The following SPOCK3 variants were observed in gnomAD, a reference collection of about 807,000 sequenced individuals.
SPOCK3 encodes the protein SPARC (osteonectin), cwcv and kazal like domains proteoglycan 3.
A neutral mutation model predicts 56.6 loss-of-function variants in SPOCK3; 30 were observed. The ratio of observed to expected loss-of-function variants is 0.53; its 90% CI spans 0.40 to 0.72. The LOEUF (loss-of-function observed/expected upper bound fraction) is 0.72, where lower values mean the gene tolerates loss of function less well. Ranked by LOEUF, SPOCK3 falls within the 30% of genes least tolerant of loss-of-function variation. The pLI is 0.00. For missense variants in SPOCK3, 527 were observed against 530.0 expected (o/e 0.99, Z 0.06); for synonymous variants, 196 against 183.3 (o/e 1.07, Z -0.56).
chr4:166,866,649 A>T (rs113487163), intron 6 of SPOCK3, among the ~76,000 whole-genome samples: 1 of 151,480 alleles, frequency 6.6e-6, no homozygotes, highest in Non-Finnish European at 1.5e-5. Flanking sequence ...CTCAAAAGAG[A>T]AGTAAGATGG....
At chr4:166,815,739 C>T (rs1744318069) in intron 6 of SPOCK3, among the ~76,000 whole-genome samples, 1 of 152,036 alleles carries the variant, frequency 6.6e-6, no homozygotes, top group Admixed American at 6.6e-5. Context: ...GGTGCCACTG[C>T]ACTCCAACCT....
At chr4:166,855,915 A>G (rs1730599079) in intron 6 of SPOCK3, among the ~76,000 whole-genome samples, 2 of 152,206 alleles carry the variant, frequency 1.3e-5, no homozygotes, top group Non-Finnish European at 2.9e-5. Context: ...AGGGCAAGGA[A>G]GACAAATCAT....
At chr4:166,945,180 T>A (rs1392382502) in intron 4 of SPOCK3, among the ~76,000 whole-genome samples, 1 of 152,150 alleles carries the variant, frequency 6.6e-6, no homozygotes, top group Non-Finnish European at 1.5e-5. Flanking sequence ...TGGAGGATGA[T>A]ATTTAGAAAC....
At chr4:167,016,374 G>A (rs1296746781) in intron 3 of SPOCK3, among the ~76,000 whole-genome samples, 2 of 151,988 alleles carry the variant, frequency 1.3e-5, no homozygotes, top group African/African-American at 2.4e-5. Context: ...ATAAAATGCT[G>A]CTATATATTT....
At chr4:166,795,375 G>T (rs1000199032) in intron 6 of SPOCK3, among the ~76,000 whole-genome samples, 43 of 152,150 alleles carry the variant, frequency 2.8e-4, no homozygotes, top group African/African-American at 9.4e-4. Flanking sequence ...TGTGTAATGA[G>T]AATTGATGGA....
chr4:166,778,052 C>T (rs780886902), intron 7 of SPOCK3, among the ~76,000 whole-genome samples: 1 of 152,146 alleles, frequency 6.6e-6, no homozygotes, highest in Non-Finnish European at 1.5e-5. Flanking sequence ...ACTCACCAAT[C>T]TTTGTAATCC....
intron 7 of SPOCK3, among the ~76,000 whole-genome samples, chr4:166,786,200 C>A (rs1740713888): frequency 2.0e-5 from 3 of 151,968 alleles, no homozygotes; most frequent in Non-Finnish European, 4.4e-5. Context: ...CATACAGATA[C>A]CTGGGGGAAG....
intron 2 of SPOCK3, among the ~76,000 whole-genome samples, chr4:167,133,659 T>C (rs545667338): frequency 6.6e-6 from 1 of 152,320 alleles, no homozygotes; most frequent in South Asian, 2.1e-4. Flanking sequence ...TTAACTTGGG[T>C]TTAATTCTAA....
chr4:166,842,971 C>T (rs866627373), intron 6 of SPOCK3, among the ~76,000 whole-genome samples: 21 of 152,212 alleles, frequency 1.4e-4, no homozygotes, highest in East Asian at 5.8e-4. Flanking sequence ...CCCTGCCCCG[C>T]GGGGAGGCAG....
At chr4:166,857,530 C>G (rs1341458477) in intron 6 of SPOCK3, among the ~76,000 whole-genome samples, 2 of 152,152 alleles carry the variant, frequency 1.3e-5, no homozygotes, top group Non-Finnish European at 2.9e-5. Context: ...GTCTTGGACC[C>G]AAACTTGTTC....
At chr4:166,767,129 CA>C (rs1391990093) in intron 7 of SPOCK3, among the ~76,000 whole-genome samples, 1 of 151,886 alleles carries the variant, frequency 6.6e-6, no homozygotes, top group South Asian at 2.1e-4. Context: ...TTGATCTTTT[CA>C]AAAAACCAGC....
chr4:166,915,285 C>A (rs1207586343), intron 4 of SPOCK3, among the ~76,000 whole-genome samples: 1 of 151,942 alleles, frequency 6.6e-6, no homozygotes, highest in African/African-American at 2.4e-5. Context: ...CTGTAACAAA[C>A]CTGTACATTC....
chr4:166,952,686 C>T (rs916346111), intron 4 of SPOCK3, among the ~76,000 whole-genome samples: 4 of 152,162 alleles, frequency 2.6e-5, no homozygotes, highest in African/African-American at 9.7e-5. Flanking sequence ...TCAAACGATA[C>T]TACAAGGCTA....
chr4:167,093,286 T>A (rs1758864137), intron 2 of SPOCK3, among the ~76,000 whole-genome samples: 1 of 152,140 alleles, frequency 6.6e-6, no homozygotes, highest in African/African-American at 2.4e-5. Flanking sequence ...ACAGAATATA[T>A]CCCTTAATTT....
intron 2 of SPOCK3, among the ~76,000 whole-genome samples, chr4:167,109,583 T>C (rs1400796824): frequency 2.2e-5 from 3 of 134,112 alleles, no homozygotes; most frequent in African/African-American, 8.2e-5. Flanking sequence ...ATATATTTAT[T>C]ATATATATAT....
chr4:166,809,546 A>G (rs1048796871), intron 6 of SPOCK3, among the ~76,000 whole-genome samples: 3 of 152,068 alleles, frequency 2.0e-5, no homozygotes, highest in Admixed American at 1.3e-4. Context: ...AAATGAAGAG[A>G]TGTTGAAATA....
At chr4:167,074,036 A>G (rs1279017481) in intron 2 of SPOCK3, among the ~76,000 whole-genome samples, 2 of 151,548 alleles carry the variant, frequency 1.3e-5, no homozygotes, top group Admixed American at 6.6e-5. Context: ...AATACTGCCA[A>G]ATAATCAACA....
chr4:166,946,094 C>A (rs1019943280), intron 4 of SPOCK3, among the ~76,000 whole-genome samples: 10 of 151,930 alleles, frequency 6.6e-5, no homozygotes, highest in African/African-American at 2.4e-4. Context: ...AACCATAGGC[C>A]CTGTTTATCT....
At chr4:166,987,253 C>T (rs1747269599) in intron 4 of SPOCK3, among the ~76,000 whole-genome samples, 1 of 152,122 alleles carries the variant, frequency 6.6e-6, no homozygotes, top group South Asian at 2.1e-4. Context: ...AAGATCTTTG[C>T]AATCTCTGTT....
Sources: gnomAD v4.1 joint callset for allele counts (sites outside exome capture counted in the v4.1 genomes callset) on GRCh38, gnomAD v4.1.1 for gene constraint, MANE v1.5 for transcripts, NCBI Gene and HGNC (gene_info 2026-07-23, HGNC 2026-07-21) for gene names.